STXBP5L: variants seen among roughly 807,000 people sequenced by gnomAD.
STXBP5L encodes syntaxin binding protein 5L.
Under a neutral mutation model 144.5 loss-of-function variants are expected in STXBP5L, and 65 were observed. The ratio of observed to expected loss-of-function variants is 0.45; its 90% CI spans 0.37 to 0.55. STXBP5L has a LOEUF of 0.55. STXBP5L is among the 20% of genes least tolerant of loss of function. STXBP5L has a pLI of 0.00. For synonymous variants in STXBP5L, 505 were observed against 469.6 expected, an observed-to-expected ratio of 1.08 and a Z score of -0.97; for missense variants, 1,298 against 1,405.5, an observed-to-expected ratio of 0.92 and a Z score of 1.22.
At chr3:121,053,981 C>G (rs1349159759) in intron 5 of STXBP5L, among the ~76,000 whole-genome samples, 3 of 152,076 alleles carry the variant, frequency 2.0e-5, no homozygotes, top group African/African-American at 4.8e-5. Flanking sequence ...CCAAAAGACA[C>G]ATGAAAAAAT....
chr3:121,185,539 A>G (rs2047341113), intron 9 of STXBP5L, among the ~76,000 whole-genome samples: 2 of 152,196 alleles, frequency 1.3e-5, no homozygotes, highest in Admixed American at 6.5e-5. Context: ...TGCCAGCACC[A>G]TTTATTGAAT....
intron 19 of STXBP5L, among the ~76,000 whole-genome samples, chr3:121,314,600 G>C (rs1489428517): frequency 7.0e-6 from 1 of 143,582 alleles, no homozygotes; most frequent in African/African-American, 2.6e-5. Flanking sequence ...AGAGGGAGAG[G>C]GAGAGGGAGA....
At chr3:121,248,721 G>A (rs1478434778) in intron 14 of STXBP5L, among the ~76,000 whole-genome samples, 1 of 152,050 alleles carries the variant, frequency 6.6e-6, no homozygotes, top group Non-Finnish European at 1.5e-5. Context: ...TCTTTGCCAA[G>A]GCTGATATCA....
intron 2 of STXBP5L, among the ~76,000 whole-genome samples, chr3:120,944,373 T>G (rs1267354391): frequency 1.3e-5 from 2 of 151,640 alleles, no homozygotes; most frequent in African/African-American, 2.4e-5. Context: ...TTATATGACT[T>G]GTTAAACTAT....
rs917843094 is a variant in STXBP5L at position 121,366,278 on chromosome 3, G to A, written c.2177-12438G>A. 2.0e-5 allele frequency among the ~76,000 whole-genome samples: 3 copies of A among 151,664 alleles called. No individual in the cohort carries two copies. In the South Asian group the frequency reaches 6.3e-4, roughly 32 times the overall value. On this transcript the variant is annotated intron_variant, in intron 20 of 26. Transcript: ENST00000471454. ...TTATATATCACTGTTAGATCTAGTT[G>A]GTTTATTGTATTAAGTCCTCTTTTC...
intron 5 of STXBP5L, among the ~76,000 whole-genome samples, chr3:121,052,015 C>A (rs976367997): frequency 6.6e-6 from 1 of 152,174 alleles, no homozygotes; most frequent in Non-Finnish European, 1.5e-5. Context: ...CATACACCCT[C>A]CCAAGACTAA....
chr3:121,338,417 G>A (rs1456707180), intron 20 of STXBP5L, among the ~76,000 whole-genome samples: 1 of 151,914 alleles, frequency 6.6e-6, no homozygotes, highest in African/African-American at 2.4e-5. Context: ...TCTGAGGCGG[G>A]TGGATCACTT....
At chr3:121,230,529 G>C (rs2049272279) in intron 11 of STXBP5L, among the ~76,000 whole-genome samples, 1 of 151,032 alleles carries the variant, frequency 6.6e-6, no homozygotes, top group African/African-American at 2.4e-5. Context: ...GAGGACACAG[G>C]CATTCCCATC....
At chr3:121,095,864 G>A (rs2043095032) in intron 5 of STXBP5L, among the ~76,000 whole-genome samples, 1 of 152,106 alleles carries the variant, frequency 6.6e-6, no homozygotes. Flanking sequence ...GAGGCACTGT[G>A]ATTTTTAGAA....
chr3:121,175,963 G>A (rs1481057196), intron 9 of STXBP5L, among the ~76,000 whole-genome samples: 7 of 151,698 alleles, frequency 4.6e-5, no homozygotes, highest in Non-Finnish European at 1.0e-4. Context: ...GAGACAAAGA[G>A]TGGCATAACC....
At chr3:121,324,953 T>A (rs2044095018) in intron 20 of STXBP5L, among the ~76,000 whole-genome samples, 2 of 152,048 alleles carry the variant, frequency 1.3e-5, no homozygotes, top group Admixed American at 1.3e-4. Flanking sequence ...AAGATTTTTT[T>A]TATATTCTCT....
intron 19 of STXBP5L, among the ~76,000 whole-genome samples, chr3:121,285,272 A>G (rs1427806310): frequency 6.6e-6 from 1 of 152,050 alleles, no homozygotes; most frequent in Non-Finnish European, 1.5e-5. Context: ...AGAAAATTGA[A>G]GTTGAAAAAA....
At chr3:121,200,217 G>C (rs536452520) in intron 9 of STXBP5L, among the ~76,000 whole-genome samples, 2 of 152,098 alleles carry the variant, frequency 1.3e-5, no homozygotes. Flanking sequence ...TTGGGAGGGT[G>C]TATGTGTCCA....
intron 7 of STXBP5L, among the ~76,000 whole-genome samples, chr3:121,136,548 AT>A (rs2045265930): frequency 6.6e-6 from 1 of 152,234 alleles, no homozygotes; most frequent in Admixed American, 6.5e-5. Context: ...ACCAGTGAGA[AT>A]GGCTATTACT....
chr3:121,185,740 C>G (rs2047351833), intron 9 of STXBP5L, among the ~76,000 whole-genome samples: 1 of 152,108 alleles, frequency 6.6e-6, no homozygotes, highest in African/African-American at 2.4e-5. Context: ...ATGATGCCTC[C>G]AGATTTATTC....
At chr3:121,356,829 G>A (rs2045531674) in intron 20 of STXBP5L, among the ~76,000 whole-genome samples, 1 of 152,088 alleles carries the variant, frequency 6.6e-6, no homozygotes, top group African/African-American at 2.4e-5. Flanking sequence ...TTGGAACCTG[G>A]ACCAGCATAT....
intron 9 of STXBP5L, among the ~76,000 whole-genome samples, chr3:121,163,770 G>GTT (rs767965769): frequency 6.1e-5 from 9 of 147,010 alleles, no homozygotes; most frequent in African/African-American, 1.2e-4. Context: ...AATATATCAT[G>GTT]TTTTTTTTTT....
chr3:121,208,872 C>T (rs2048442738), intron 10 of STXBP5L, among the ~76,000 whole-genome samples: 1 of 152,004 alleles, frequency 6.6e-6, no homozygotes, highest in African/African-American at 2.4e-5. Context: ...CACCCATCAT[C>T]TACATTAGGT....
chr3:121,172,621 C>A (rs2046768988), intron 9 of STXBP5L, among the ~76,000 whole-genome samples: 1 of 152,142 alleles, frequency 6.6e-6, no homozygotes, highest in African/African-American at 2.4e-5. Flanking sequence ...CAAATCAAAA[C>A]CACAGTGAGA....
Sources: allele counts gnomAD v4.1 joint callset (sites outside exome capture counted in the v4.1 genomes callset), GRCh38; gene constraint gnomAD v4.1.1; transcripts MANE v1.5; gene names NCBI Gene and HGNC (gene_info 2026-07-23, HGNC 2026-07-21).